PRPF18: variants seen among roughly 807,000 people sequenced by gnomAD.
The protein encoded by PRPF18 is pre-mRNA-splicing factor 18.
In PRPF18, 38 loss-of-function variants were observed where a neutral mutation model predicts 46.5. The ratio of observed to expected loss-of-function variants is 0.82; its 90% CI spans 0.63 to 1.07. The LOEUF is 1.07. Among genes scored for constraint, PRPF18 ranks in the 50% least tolerant of loss-of-function variants. The probability of loss-of-function intolerance (pLI) is 0.00; values close to 1 mark genes in which losing one functional copy is unlikely to be tolerated. For missense variants in PRPF18, 263 were observed against 410.0 expected (o/e 0.64, Z 3.10); for synonymous variants, 152 against 146.7 (o/e 1.04, Z -0.26).
chr10:13,607,185 G>C (rs1209956298), intron 4 of PRPF18, among the ~76,000 whole-genome samples: 1 of 152,166 alleles, frequency 6.6e-6, no homozygotes. Context: ...GCAACCTCCT[G>C]GGCTTAAGCA....
intron 9 of PRPF18, among the ~76,000 whole-genome samples, chr10:13,624,905 T>C (rs2080476845): frequency 6.6e-6 from 1 of 152,230 alleles, no homozygotes; most frequent in South Asian, 2.1e-4. Flanking sequence ...TCAGCATGAA[T>C]GTTCACCTAA....
chr10:13,606,143 G>GA (rs1436987200), intron 4 of PRPF18, among the ~76,000 whole-genome samples: 1 of 151,728 alleles, frequency 6.6e-6, no homozygotes, highest in Non-Finnish European at 1.5e-5. Flanking sequence ...GAACTTAAAA[G>GA]TTGAAAAAAA....
intron 9 of PRPF18, among the ~76,000 whole-genome samples, chr10:13,624,584 T>C (rs1329641232): frequency 1.3e-5 from 2 of 152,230 alleles, no homozygotes; most frequent in Admixed American, 1.3e-4. Flanking sequence ...GATGGATATG[T>C]ACTGCTCAGG....
At chr10:13,617,021 T>G (rs908848484) in intron 9 of PRPF18, among the ~76,000 whole-genome samples, 1 of 152,248 alleles carries the variant, frequency 6.6e-6, no homozygotes, top group Admixed American at 6.5e-5. Flanking sequence ...ACAACACTTC[T>G]TTAGTCATGT....
At chr10:13,610,624 A>C (rs1015810598) in intron 5 of PRPF18, among the ~76,000 whole-genome samples, 1 of 152,178 alleles carries the variant, frequency 6.6e-6, no homozygotes, top group Non-Finnish European at 1.5e-5. Flanking sequence ...GTGTTACGCC[A>C]TTCACTGCAT....
intron 9 of PRPF18, 23 bp from the exon 10 acceptor site, chr10:13,630,237 C>G: frequency 1.3e-6 from 2 of 1,569,930 alleles, no homozygotes; most frequent in East Asian, 4.5e-5. Flanking sequence ...CATAACCAAC[C>G]TTTGTTTTCC....
chr10:13,592,463 G>A (rs1327618953), intron 1 of PRPF18: 2 of 186,542 alleles, frequency 1.1e-5, no homozygotes, highest in African/African-American at 2.4e-5. Flanking sequence ...AGAAAGAAGA[G>A]CCACCTCATC....
At chr10:13,618,136 G>T (rs1005556558) in intron 9 of PRPF18, among the ~76,000 whole-genome samples, 1 of 152,142 alleles carries the variant, frequency 6.6e-6, no homozygotes, top group Non-Finnish European at 1.5e-5. Flanking sequence ...GGGTTTATCA[G>T]GTTTGCAGAC....
At chr10:13,606,965 C>G (rs1359621893) in intron 4 of PRPF18, among the ~76,000 whole-genome samples, 1 of 152,136 alleles carries the variant, frequency 6.6e-6, no homozygotes, top group Non-Finnish European at 1.5e-5. Context: ...TAATTTTAAC[C>G]ATTCTCTTTT....
At chr10:13,608,336 G>T (rs1051154071) in intron 4 of PRPF18, among the ~76,000 whole-genome samples, 4 of 152,038 alleles carry the variant, frequency 2.6e-5, no homozygotes, top group Admixed American at 6.6e-5. Flanking sequence ...TGGCGTCTCA[G>T]TTGGAATGGC....
At chr10:13,638,811 G>T in the PRPF18 span, 1 of 152,158 alleles carries the variant, frequency 6.6e-6, no homozygotes, top group Admixed American at 6.5e-5. Context: ...AGATACCTTT[G>T]GAATGATGTT....
intron 9 of PRPF18, among the ~76,000 whole-genome samples, chr10:13,625,731 G>T (rs7089227): frequency 0.56 from 85,733 of 152,078 alleles, 24,598 homozygotes; most frequent in Non-Finnish European, 0.63. Context: ...CAGAGAAAAG[G>T]TCGCTTACAA....
At chr10:13,603,211 G>A (rs183615573) in intron 3 of PRPF18, among the ~76,000 whole-genome samples, 396 of 151,844 alleles carry the variant, frequency 2.6e-3, no homozygotes, top group African/African-American at 9.2e-3. Context: ...CTCAGCGAGC[G>A]TCTATTGAAA....
At position 13,587,111 on chromosome 10, in the gene PRPF18, C is replaced by G. The variant is rs1426346031; in HGVS notation, c.25C>G (p.Leu9Val). Residue 9 changes from leucine (L) to valine (V), a missense_variant, in exon 1 of 10, where the codon CTT (leucine) becomes GTT (valine). Leu to Val is a conservative substitution (Grantham distance 32). Transcript: ENST00000378572. MDILKSEILRKRQLVEDRN... is the reference protein window; with the variant it reads MDILKSEIVRKRQLVEDRN... ...GATGGACATTCTGAAATCAGAGATC[C>G]TTCGGAAGCGGCAGCTGGTGGAGGA... The G allele has an allele frequency of 6.2e-7, 1 of 1,614,178 alleles. No homozygotes were observed. Among genetic ancestry groups the G allele is most frequent in the Non-Finnish European group, 8.5e-7 (1 of 1,180,002 alleles).
the PRPF18 span, chr10:13,643,549 GTA>G: frequency 6.6e-6 from 1 of 152,496 alleles, no homozygotes; most frequent in Non-Finnish European, 1.5e-5. Flanking sequence ...AAGCTTCTCT[GTA>G]TCATCTAGCA....
At chr10:13,599,455 C>T (rs191435918) in intron 2 of PRPF18, among the ~76,000 whole-genome samples, 55 of 152,302 alleles carry the variant, frequency 3.6e-4, no homozygotes, top group African/African-American at 1.3e-3. Flanking sequence ...ATCTTATGGT[C>T]AGATGGGAAA....
At chr10:13,627,020 C>G (rs959117223) in intron 9 of PRPF18, among the ~76,000 whole-genome samples, 21 of 152,130 alleles carry the variant, frequency 1.4e-4, no homozygotes, top group Non-Finnish European at 2.1e-4. Flanking sequence ...TCTCTCTGGT[C>G]CCTGAGTTTC....
chr10:13,637,512 A>G, the PRPF18 span, among the ~76,000 whole-genome samples: 2 of 151,980 alleles, frequency 1.3e-5, no homozygotes, highest in Non-Finnish European at 2.9e-5. Context: ...ACTTTTGTCC[A>G]TTTTTCCCCT....
At chr10:13,610,294 T>C (rs987726983) in intron 5 of PRPF18, 109 bp downstream of exon 5, 4 of 1,228,390 alleles carry the variant, frequency 3.3e-6, no homozygotes, top group Non-Finnish European at 4.4e-6. Flanking sequence ...TTGTCCTTGG[T>C]CTTTTGTTTA....
Sources: gnomAD v4.1 joint callset for allele counts (sites outside exome capture counted in the v4.1 genomes callset) on GRCh38, gnomAD v4.1.1 for gene constraint, MANE v1.5 for transcripts, NCBI Gene and HGNC (gene_info 2026-07-23, HGNC 2026-07-21) for gene names.